Variants in COX10 observed in about 807,000 individuals in gnomAD.
COX10 encodes protoheme IX farnesyltransferase, mitochondrial.
COX10 carries 27 observed loss-of-function variants against 37.3 expected under a neutral mutation model. The ratio of observed to expected loss-of-function variants is 0.72; its 90% CI spans 0.53 to 1.00. The LOEUF is 1.00. COX10 is among the 50% of genes least tolerant of loss of function. The pLI, the probability that COX10 is intolerant of heterozygous loss-of-function variation, is 0.00. For missense variants in COX10, 475 were observed against 563.2 expected, an observed-to-expected ratio of 0.84 and a Z score of 1.59; for synonymous variants, 222 against 229.1, an observed-to-expected ratio of 0.97 and a Z score of 0.28.
chr17:14,072,955 A>G (rs1915058832), intron 1 of COX10, among the ~76,000 whole-genome samples: 2 of 152,242 alleles, frequency 1.3e-5, no homozygotes, highest in Admixed American at 6.5e-5. Flanking sequence ...GTCATGCAAC[A>G]TGGCATAAAG....
chr17:14,136,444 A>C (rs1904368310), intron 4 of COX10, among the ~76,000 whole-genome samples: 1 of 152,046 alleles, frequency 6.6e-6, no homozygotes, highest in African/African-American at 2.4e-5. Flanking sequence ...TAGCAAAACA[A>C]AGCCTAGATG....
intron 4 of COX10, among the ~76,000 whole-genome samples, chr17:14,159,266 T>C (rs1259748357): frequency 3.3e-5 from 5 of 152,214 alleles, no homozygotes; most frequent in African/African-American, 1.2e-4. Flanking sequence ...TCAGCCCTGG[T>C]TCTTTACATC....
Position 14,074,339 on chromosome 17 carries a change from T to C in COX10, c.60T>C (p.Ser20=). 6.2e-7 allele frequency: 1 copy of C among 1,614,136 alleles called. No individual in the cohort carries two copies. The highest frequency in any genetic ancestry group is 1.1e-5 in the South Asian group (1 of 91,080). The part of the protein sequence containing the change: ...SRLLTGCVGG[S]VWYLERRTIQ... ...CTATTATAGGTTGCGTAGGAGGCTC[T>C]GTCTGGTATCTTGAAAGAAGAACTA... The change falls in exon 2 of 7, where the codon TCT becomes TCC. Residue 20 remains serine (S), a synonymous_variant. Transcript: ENST00000261643.
intron 5 of COX10, among the ~76,000 whole-genome samples, chr17:14,188,839 TTTTTCA>T (rs1166110251): frequency 6.6e-6 from 1 of 151,142 alleles, no homozygotes; most frequent in African/African-American, 2.4e-5. Flanking sequence ...TTTGCTAATT[TTTTTCA>T]AAACACTCTC....
At chr17:14,195,889 T>C (rs952550487) in intron 6 of COX10, among the ~76,000 whole-genome samples, 4 of 152,196 alleles carry the variant, frequency 2.6e-5, no homozygotes, top group African/African-American at 4.8e-5. Context: ...GCTCTAGCCA[T>C]TAGAATATCT....
chr17:14,111,794 G>A (rs1241137975), intron 4 of COX10, among the ~76,000 whole-genome samples: 1 of 152,092 alleles, frequency 6.6e-6, no homozygotes, highest in Non-Finnish European at 1.5e-5. Flanking sequence ...AAATAGTACA[G>A]TGTATAATTT....
At chr17:14,190,426 G>T (rs1268891151) in intron 5 of COX10, among the ~76,000 whole-genome samples, 1 of 152,132 alleles carries the variant, frequency 6.6e-6, no homozygotes, top group African/African-American at 2.4e-5. Context: ...GGAACAGGTG[G>T]GTGGAAATGC....
intron 5 of COX10, among the ~76,000 whole-genome samples, chr17:14,164,763 ACATTATAGCT>A (rs1345100306): frequency 2.6e-5 from 4 of 152,208 alleles, no homozygotes; most frequent in Non-Finnish European, 5.9e-5. Context: ...CCTTCGCCAG[ACATTATAGCT>A]CAAAGATGTA....
chr17:14,102,130 G>T lies in COX10; in HGVS notation c.512G>T (p.Ser171Ile). 1 of 1,613,634 alleles carries T rather than the reference G, an allele frequency of 6.2e-7. No homozygotes were observed. The highest frequency in any genetic ancestry group is 8.5e-7 in the Non-Finnish European group (1 of 1,179,712). Residue 171 changes from serine (S) to isoleucine (I), a missense_variant, in exon 4 of 7, where the codon AGT (serine) becomes ATT (isoleucine). By Grantham distance (142) the Ser-to-Ile change is moderately radical. Around this residue, in one of 5 missense-constraint regions of COX10, gnomAD observed 242 missense variants for 242.5 expected, o/e 1.00. Coordinates refer to ENST00000261643, the MANE Select transcript of COX10 (RefSeq NM_001303.4). ...SKIKLTALVVSTTAAGFALAP... is the reference protein window; with the variant it reads ...SKIKLTALVVITTAAGFALAP... ...TTCTGTATCGCAGCTCTGGTTGTAA[G>T]TACCACTGCAGCTGGATTTGCATTG...
chr17:14,182,497 C>G (rs1905898807), intron 5 of COX10, among the ~76,000 whole-genome samples: 2 of 152,204 alleles, frequency 1.3e-5, no homozygotes, highest in East Asian at 3.9e-4. Context: ...TCGTCTGCCA[C>G]TCTATAATAT....
At chr17:14,084,526 T>A (rs1023397551) in intron 3 of COX10, among the ~76,000 whole-genome samples, 1 of 152,208 alleles carries the variant, frequency 6.6e-6, no homozygotes, top group African/African-American at 2.4e-5. Context: ...TGAAAAAAAT[T>A]AATATTCTGC....
rs539375439 is a variant in COX10, at chr17:14,191,848, T to C, written c.696-141T>C. ...TATAAGTTTGTTTCATAAAGAGGATTCCCCATATCCAGGAATCAGCCAGAT... is the reference window on the plus strand; with the variant it reads ...TATAAGTTTGTTTCATAAAGAGGATCCCCCATATCCAGGAATCAGCCAGAT... On this transcript the variant is annotated intron_variant, in intron 5 of 6. Transcript: ENST00000261643. 1.4e-4 allele frequency: 113 copies of C among 812,090 alleles called. No homozygotes were observed. The African/African-American group carries it at 1.8e-3, about 13-fold the overall frequency. The allele number at this position is 812,090 out of a possible 1,614,324, so 50.3% of individuals were successfully genotyped here. A position where few individuals can be genotyped will look rare whatever the true frequency, so the allele number is the denominator to read the frequency against.
At chr17:14,107,992 T>G (rs1201249671) in intron 4 of COX10, among the ~76,000 whole-genome samples, 1 of 152,196 alleles carries the variant, frequency 6.6e-6, no homozygotes, top group African/African-American at 2.4e-5. Context: ...ATGATAATAC[T>G]TCCAGTGTAT....
intron 3 of COX10, among the ~76,000 whole-genome samples, chr17:14,078,056 CAG>C (rs1388143537): frequency 1.3e-5 from 2 of 151,426 alleles, no homozygotes; most frequent in Non-Finnish European, 2.9e-5. Context: ...TGAATAGACA[CAG>C]GGGCTTTGGT....
chr17:14,134,202 T>TAGATCTTTAG (rs1312090863), intron 4 of COX10, among the ~76,000 whole-genome samples: 2 of 151,828 alleles, frequency 1.3e-5, no homozygotes, highest in Non-Finnish European at 3.0e-5. Context: ...TGATTATATA[T>TAGATCTTTAG]AGATCTTTAG....
At chr17:14,142,190 T>C (rs1199431009) in intron 4 of COX10, among the ~76,000 whole-genome samples, 1 of 152,208 alleles carries the variant, frequency 6.6e-6, no homozygotes, top group Non-Finnish European at 1.5e-5. Flanking sequence ...ACCTTTTCTT[T>C]TTGGAAGTAT....
chr17:14,122,005 G>A (rs1426786155), intron 4 of COX10, among the ~76,000 whole-genome samples: 2 of 152,108 alleles, frequency 1.3e-5, no homozygotes, highest in Non-Finnish European at 1.5e-5. Context: ...GGCTTGGGTC[G>A]TGTTGTTGAG....
intron 6 of COX10, among the ~76,000 whole-genome samples, chr17:14,193,841 A>G (rs1044612901): frequency 1.1e-4 from 16 of 149,932 alleles, no homozygotes; most frequent in African/African-American, 2.9e-4. Flanking sequence ...AAACCTTTAT[A>G]GTGATTGTGC....
chr17:14,093,260 T>C (rs1290355308), intron 3 of COX10, among the ~76,000 whole-genome samples: 2 of 152,154 alleles, frequency 1.3e-5, no homozygotes, highest in African/African-American at 4.8e-5. Context: ...AGTTCTTTTG[T>C]GGCCAGTGCT....
Sources: gnomAD v4.1 joint callset for allele counts (sites outside exome capture counted in the v4.1 genomes callset) on GRCh38, gnomAD v4.1.1 for gene constraint, gnomAD v4.1.1 regional missense constraint, MANE v1.5 for transcripts, NCBI Gene and HGNC (gene_info 2026-07-23, HGNC 2026-07-21) for gene names.